SLC68A1: variants seen among roughly 807,000 people sequenced by gnomAD.
SLC68A1 encodes major facilitator superfamily domain containing 13A.
At chr10:102,470,851 T>C in the SLC68A1 span, 3 of 1,613,374 alleles carry the variant, frequency 1.9e-6, no homozygotes, top group Admixed American at 1.7e-5. Flanking sequence ...TGCACCACCA[T>C]GCCTTGCTGG....
chr10:102,464,981 G>A, the SLC68A1 span, among the ~76,000 whole-genome samples: 2 of 151,768 alleles, frequency 1.3e-5, no homozygotes, highest in Non-Finnish European at 2.9e-5. Flanking sequence ...TAGGCCGGGT[G>A]TGGAGGCTCA....
At chr10:102,476,042 G>GT in the SLC68A1 span, 367,087 of 957,650 alleles carry the variant, frequency 0.38, 59,745 homozygotes, top group South Asian at 0.45. Context: ...GAAGGAGCCA[G>GT]TTTTTTTTGG....
At chr10:102,475,041 C>T in the SLC68A1 span, among the ~76,000 whole-genome samples, 3 of 151,836 alleles carry the variant, frequency 2.0e-5, no homozygotes, top group African/African-American at 4.8e-5. Flanking sequence ...CCTGTAATCC[C>T]AGCACTTTGG....
At chr10:102,476,827 C>T in the SLC68A1 span, 1 of 985,614 alleles carries the variant, frequency 1.0e-6, no homozygotes, top group East Asian at 1.1e-4. Context: ...ACTTTTAATA[C>T]TGCAACTGCT....
At chr10:102,464,826 T>C in the SLC68A1 span, among the ~76,000 whole-genome samples, 1 of 140,788 alleles carries the variant, frequency 7.1e-6, no homozygotes, top group Non-Finnish European at 1.5e-5. Context: ...AAAAAGAAAA[T>C]GGCTACTGTG....
chr10:102,462,869 ATTC>A, the SLC68A1 span, among the ~76,000 whole-genome samples: 2,001 of 152,228 alleles, frequency 0.013, 35 homozygotes, highest in African/African-American at 0.046. Flanking sequence ...TATGATCACT[ATTC>A]TTCTTTGTAC....
chr10:102,469,212 G>A, the SLC68A1 span: 3 of 1,613,772 alleles, frequency 1.9e-6, no homozygotes, highest in Non-Finnish European at 2.5e-6. Flanking sequence ...GGCCAGTGCT[G>A]GGTGGCTAAC....
chr10:102,473,904 C>T, the SLC68A1 span: 401 of 1,614,164 alleles, frequency 2.5e-4, 1 homozygote, highest in Non-Finnish European at 3.2e-4. Flanking sequence ...GCTGAACCAC[C>T]GCAAGCAGGC....
chr10:102,470,123 G>A, the SLC68A1 span: 2 of 1,560,844 alleles, frequency 1.3e-6, no homozygotes, highest in South Asian at 1.1e-5. Flanking sequence ...CCACCCTACT[G>A]CTACCCAGGA....
chr10:102,472,763 G>T, the SLC68A1 span: 1 of 928,680 alleles, frequency 1.1e-6, no homozygotes, highest in Non-Finnish European at 1.8e-6. Flanking sequence ...AGGATGGGGA[G>T]TTGGGGGGGA....
At chr10:102,463,851 T>C in the SLC68A1 span, among the ~76,000 whole-genome samples, 147 of 152,212 alleles carry the variant, frequency 9.7e-4, no homozygotes, top group Non-Finnish European at 1.6e-3. Context: ...TAGTATATAG[T>C]TATCCTAGGG....
chr10:102,470,942 G>C, the SLC68A1 span: 2 of 1,613,374 alleles, frequency 1.2e-6, no homozygotes, highest in Non-Finnish European at 1.7e-6. Context: ...CTCCCTCTCT[G>C]TCTTTGCATC....
the SLC68A1 span, among the ~76,000 whole-genome samples, chr10:102,465,590 C>G: frequency 6.6e-6 from 1 of 152,152 alleles, no homozygotes; most frequent in South Asian, 2.1e-4. Flanking sequence ...GTGACTGGCT[C>G]AAGGCCACCA....
the SLC68A1 span, among the ~76,000 whole-genome samples, chr10:102,474,592 CTT>C: frequency 1.3e-5 from 2 of 152,078 alleles, no homozygotes; most frequent in Middle Eastern, 3.2e-3. Context: ...GCGAAGAGGA[CTT>C]TGTTGATCAG....
the SLC68A1 span, chr10:102,473,634 C>G: frequency 6.2e-7 from 1 of 1,614,100 alleles, no homozygotes; most frequent in East Asian, 2.2e-5. Context: ...GGCGCTGGGG[C>G]GTCTACGCGG....
At chr10:102,476,332 T>A in the SLC68A1 span, 4 of 289,672 alleles carry the variant, frequency 1.4e-5, no homozygotes, top group Non-Finnish European at 1.1e-5. Flanking sequence ...CCTCCCAGAG[T>A]GCTGGGATTA....
chr10:102,467,377 C>T, the SLC68A1 span, among the ~76,000 whole-genome samples: 31 of 152,154 alleles, frequency 2.0e-4, no homozygotes, highest in Middle Eastern at 3.4e-3. Context: ...AAAGCAGTGT[C>T]GAGGGAATGT....
the SLC68A1 span, among the ~76,000 whole-genome samples, chr10:102,474,705 T>A: frequency 6.6e-6 from 1 of 152,128 alleles, no homozygotes; most frequent in Non-Finnish European, 1.5e-5. Context: ...TGGAGTGCAG[T>A]GGCACGATCT....
the SLC68A1 span, chr10:102,473,419 G>T: frequency 2.5e-6 from 2 of 809,988 alleles, no homozygotes; most frequent in Non-Finnish European, 3.9e-6. Flanking sequence ...CACCTTAAGG[G>T]GCTGTGAAGA....
Sources: allele counts gnomAD v4.1 joint callset (sites outside exome capture counted in the v4.1 genomes callset), GRCh38; gene constraint gnomAD v4.1.1; transcripts MANE v1.5; gene names NCBI Gene and HGNC (gene_info 2026-07-23, HGNC 2026-07-21).